Variants in RYR2 observed in about 807,000 individuals in gnomAD.
The protein encoded by RYR2 is ryanodine receptor 2, also known as cardiac muscle ryanodine receptor-calcium release channel.
RYR2 carries 227 observed loss-of-function variants against 601.1 expected under a neutral mutation model. That is an observed-to-expected ratio of 0.38 (90% CI 0.34 to 0.42). RYR2 has a LOEUF of 0.42. Among genes scored for constraint, RYR2 ranks in the 10% least tolerant of loss-of-function variants. The pLI is 1.00. For synonymous variants in RYR2, 2,223 were observed against 2,175.1 expected (o/e 1.02, Z -0.61); for missense variants, 4,646 against 6,156.5 (o/e 0.75, Z 8.21).
rs759484925 is a variant in RYR2 at position 237,784,081 on chromosome 1, G to C, written c.12369G>C (p.Glu4123Asp). The change falls in exon 90 of 105, where the codon GAG (glutamate) becomes GAC (aspartate). Residue 4123 changes from glutamate (E) to aspartate (D), a missense_variant. Coordinates refer to ENST00000366574, the MANE Select transcript of RYR2 (RefSeq NM_001035.3). This position sits in a 1 kb window ranked among gnomAD's most constrained non-coding sequence, Gnocchi z 7.1. ...TRLQTFLELA[E>D]SVLNYFQPFL... ...TTCAGACTTTTCTGGAATTAGCAGAGAGCGTCCTGAATTATTTCCAGCCCT... is the reference window on the plus strand; with the variant it reads ...TTCAGACTTTTCTGGAATTAGCAGACAGCGTCCTGAATTATTTCCAGCCCT... 6.2e-7 allele frequency: 1 copy of C among 1,614,014 alleles called. No homozygotes were observed. The highest frequency in any genetic ancestry group is 1.1e-5 in the South Asian group (1 of 91,084).
chr1:237,280,731 G>A (rs1031967659), intron 2 of RYR2, among the ~76,000 whole-genome samples: 7 of 151,418 alleles, frequency 4.6e-5, no homozygotes, highest in Non-Finnish European at 1.0e-4. Flanking sequence ...GAATGGAACT[G>A]CTTGTTAAAT....
At position 237,655,951 on chromosome 1, in the gene RYR2, G is replaced by A. The variant is rs750180419; in HGVS notation, c.8096G>A (p.Gly2699Glu). 1.9e-6 allele frequency: 3 copies of A among 1,613,270 alleles called. No individual in the cohort carries two copies. The highest frequency in any genetic ancestry group is 2.5e-6 in the Non-Finnish European group (3 of 1,179,662). The change falls in exon 53 of 105, where the codon GGG (glycine) becomes GAG (glutamate). Residue 2699 changes from glycine to glutamate, a missense_variant. Gly to Glu is a moderately conservative substitution (Grantham distance 98). Coordinates refer to ENST00000366574, the MANE Select transcript of RYR2 (RefSeq NM_001035.3). Reference sequence around the variant, plus strand: ...AAACAGTCATCAATGGATTCTGAAGGGAACTTTAACCCACAACCTGTTGAT... The same window carrying A: ...AAACAGTCATCAATGGATTCTGAAGAGAACTTTAACCCACAACCTGTTGAT... The part of the protein sequence containing the change: ...MEKQSSMDSE[G>E]NFNPQPVDTS...
chr1:237,278,288 A>C (rs1205723928), intron 2 of RYR2, among the ~76,000 whole-genome samples: 1 of 102,534 alleles, frequency 9.8e-6, no homozygotes, highest in Non-Finnish European at 1.8e-5. Flanking sequence ...ATAGGGTTTC[A>C]CTGTGTTGCC....
At chr1:237,554,926 A>C (rs1003860998) in intron 27 of RYR2, 1 of 152,086 alleles carries the variant, frequency 6.6e-6, no homozygotes, top group Non-Finnish European at 1.5e-5. Flanking sequence ...TTCAAAGGTT[A>C]ATTGAACTTA....
chr1:237,485,471 T>C (rs1662585325), intron 17 of RYR2, among the ~76,000 whole-genome samples: 1 of 152,132 alleles, frequency 6.6e-6, no homozygotes, highest in African/African-American at 2.4e-5. Flanking sequence ...AATGTGCTTG[T>C]TACTACAAAA....
intron 1 of RYR2, among the ~76,000 whole-genome samples, chr1:237,157,293 C>A (rs1283534274): frequency 3.8e-5 from 1 of 26,110 alleles, no homozygotes; most frequent in Non-Finnish European, 6.9e-5. Context: ...GAGACTCCAT[C>A]TCAAAAAAAA....
intron 56 of RYR2, among the ~76,000 whole-genome samples, chr1:237,664,078 C>T (rs1310377095): frequency 3.3e-5 from 5 of 152,178 alleles, no homozygotes; most frequent in Admixed American, 3.3e-4. Flanking sequence ...ATTATTTACT[C>T]CCAAATTCCA....
intron 27 of RYR2, among the ~76,000 whole-genome samples, chr1:237,552,370 A>T (rs1670486150): frequency 6.6e-6 from 1 of 152,184 alleles, no homozygotes; most frequent in African/African-American, 2.4e-5. Context: ...AAATTGTTTT[A>T]AAAACAATTT....
intron 79 of RYR2, among the ~76,000 whole-genome samples, chr1:237,741,145 C>T (rs1691571220): frequency 6.6e-6 from 1 of 152,140 alleles, no homozygotes; most frequent in Non-Finnish European, 1.5e-5. Context: ...CCTTTGCAAA[C>T]TATGCTCATG....
At chr1:237,433,828 A>G (rs1033211444) in intron 12 of RYR2, among the ~76,000 whole-genome samples, 6 of 150,750 alleles carry the variant, frequency 4.0e-5, no homozygotes, top group Non-Finnish European at 8.9e-5. Flanking sequence ...ATCTTCTACC[A>G]TATTTCCCAT....
intron 17 of RYR2, among the ~76,000 whole-genome samples, chr1:237,478,786 A>C (rs1661696705): frequency 8.3e-6 from 1 of 120,510 alleles, no homozygotes; most frequent in Admixed American, 8.2e-5. Context: ...GCAGGCCTTA[A>C]GGGACCCCCC....
intron 11 of RYR2, among the ~76,000 whole-genome samples, chr1:237,418,020 A>G (rs538547592): frequency 5.3e-5 from 8 of 152,094 alleles, no homozygotes; most frequent in Admixed American, 2.0e-4. Context: ...ATCTTACTCT[A>G]GTATAACTAT....
At chr1:237,073,041 G>A (rs149491433) in intron 1 of RYR2, among the ~76,000 whole-genome samples, 30 of 151,380 alleles carry the variant, frequency 2.0e-4, no homozygotes, top group South Asian at 4.2e-4. Context: ...TTCTATCTTC[G>A]CCCCACCGCA....
chr1:237,581,536 G>GA (rs918098456), intron 29 of RYR2, among the ~76,000 whole-genome samples: 101 of 148,400 alleles, frequency 6.8e-4, no homozygotes, highest in South Asian at 4.9e-3. Context: ...TGCTGTTTTA[G>GA]AAAAAAAAAA....
At chr1:237,446,236 A>C (rs1307954469) in intron 14 of RYR2, among the ~76,000 whole-genome samples, 1 of 152,176 alleles carries the variant, frequency 6.6e-6, no homozygotes, top group Non-Finnish European at 1.5e-5. Flanking sequence ...CTATAGACTA[A>C]ATTAAACTTG....
At chr1:237,749,727 C>A (rs1692382152) in intron 80 of RYR2, among the ~76,000 whole-genome samples, 1 of 152,154 alleles carries the variant, frequency 6.6e-6, no homozygotes, top group African/African-American at 2.4e-5. Context: ...CGCAGTTTCT[C>A]TAATTGCATA....
chr1:237,160,822 G>T (rs1394822521), intron 1 of RYR2, among the ~76,000 whole-genome samples: 1 of 151,952 alleles, frequency 6.6e-6, no homozygotes, highest in Non-Finnish European at 1.5e-5. Context: ...ATAAAAGAAA[G>T]AATTGTTCTT....
intron 1 of RYR2, among the ~76,000 whole-genome samples, chr1:237,187,659 G>A (rs1679519827): frequency 6.6e-6 from 1 of 151,742 alleles, no homozygotes; most frequent in African/African-American, 2.4e-5. Flanking sequence ...ACCCAGGCTG[G>A]TATTGACCTC....
At chr1:237,264,987 G>T (rs1184907145) in intron 1 of RYR2, among the ~76,000 whole-genome samples, 1 of 151,894 alleles carries the variant, frequency 6.6e-6, no homozygotes, top group Non-Finnish European at 1.5e-5. Flanking sequence ...GAGCCATTGT[G>T]CCTGGCCCAG....
Sources: gnomAD v4.1 joint callset for allele counts (sites outside exome capture counted in the v4.1 genomes callset) on GRCh38, gnomAD v4.1.1 for gene constraint, Gnocchi (gnomAD v3.1) non-coding constraint, MANE v1.5 for transcripts, NCBI Gene and HGNC (gene_info 2026-07-23, HGNC 2026-07-21) for gene names.